PTPRK: variants seen among roughly 807,000 people sequenced by gnomAD.
PTPRK encodes the protein protein tyrosine phosphatase receptor type K.
Under a neutral mutation model 178.0 loss-of-function variants are expected in PTPRK, and 75 were observed. The ratio of observed to expected loss-of-function variants is 0.42; its 90% CI spans 0.35 to 0.51. PTPRK has a LOEUF of 0.51. Among genes scored for constraint, PTPRK ranks in the 20% least tolerant of loss-of-function variants. The pLI is 0.02. For synonymous variants in PTPRK, 637 were observed against 620.6 expected, an observed-to-expected ratio of 1.03 and a Z score of -0.39; for missense variants, 1,441 against 1,797.8, an observed-to-expected ratio of 0.80 and a Z score of 3.59.
intron 3 of PTPRK, among the ~76,000 whole-genome samples, chr6:128,312,861 G>T (rs543705150): frequency 8.6e-5 from 13 of 151,936 alleles, no homozygotes; most frequent in Admixed American, 5.9e-4. Flanking sequence ...GTTCACCAAA[G>T]TTCTGAGCAT....
chr6:128,493,829 A>G (rs754087409), intron 1 of PTPRK, among the ~76,000 whole-genome samples: 1 of 152,130 alleles, frequency 6.6e-6, no homozygotes. Context: ...CCCCTCATCT[A>G]TGATGCTTTA....
chr6:128,394,021 A>G (rs901420008), intron 2 of PTPRK, among the ~76,000 whole-genome samples: 10 of 152,144 alleles, frequency 6.6e-5, no homozygotes, highest in African/African-American at 1.2e-4. Flanking sequence ...AACCATCATT[A>G]CCCAAACCCT....
At chr6:128,038,891 T>C (rs763480567) in intron 13 of PTPRK, among the ~76,000 whole-genome samples, 1 of 152,174 alleles carries the variant, frequency 6.6e-6, no homozygotes, top group Non-Finnish European at 1.5e-5. Context: ...AACTGAATCA[T>C]GTTATGATGA....
chr6:128,445,232 A>T (rs921178910), intron 1 of PTPRK, among the ~76,000 whole-genome samples: 2 of 146,036 alleles, frequency 1.4e-5, no homozygotes, highest in African/African-American at 5.0e-5. Context: ...TTTATATATA[A>T]TAGTATAAAT....
At chr6:128,255,052 G>A (rs555160343) in intron 3 of PTPRK, among the ~76,000 whole-genome samples, 2 of 152,246 alleles carry the variant, frequency 1.3e-5, no homozygotes, top group Non-Finnish European at 2.9e-5. Flanking sequence ...GTACAGTGAC[G>A]CGATCTCAGC....
chr6:128,508,801 G>A (rs774565830), intron 1 of PTPRK, among the ~76,000 whole-genome samples: 6 of 151,996 alleles, frequency 3.9e-5, no homozygotes, highest in East Asian at 1.9e-4. Context: ...AAAAATAGCC[G>A]GGCATGGTGG....
At chr6:128,365,672 T>G (rs982123578) in intron 2 of PTPRK, among the ~76,000 whole-genome samples, 3 of 152,100 alleles carry the variant, frequency 2.0e-5, no homozygotes. Flanking sequence ...GTTACGTAAT[T>G]TGTTATCAAT....
intron 2 of PTPRK, among the ~76,000 whole-genome samples, chr6:128,323,705 T>C (rs1393163281): frequency 6.6e-6 from 1 of 152,118 alleles, no homozygotes; most frequent in Non-Finnish European, 1.5e-5. Flanking sequence ...GTTGAGAGCT[T>C]TTGGGAAGAT....
At chr6:128,186,100 G>C (rs1336403916) in intron 6 of PTPRK, among the ~76,000 whole-genome samples, 1 of 152,062 alleles carries the variant, frequency 6.6e-6, no homozygotes, top group Non-Finnish European at 1.5e-5. Context: ...AAATTCATAT[G>C]ATAAATATTA....
chr6:128,402,087 A>C (rs1470548594), intron 1 of PTPRK, among the ~76,000 whole-genome samples: 1 of 152,202 alleles, frequency 6.6e-6, no homozygotes, highest in Non-Finnish European at 1.5e-5. Context: ...TGTTGATATG[A>C]TCTACAAAAT....
At chr6:128,385,580 A>G (rs921740034) in intron 2 of PTPRK, among the ~76,000 whole-genome samples, 2 of 152,210 alleles carry the variant, frequency 1.3e-5, no homozygotes, top group Non-Finnish European at 2.9e-5. Flanking sequence ...CTTATTAAAT[A>G]GTAAGTCTTA....
intron 7 of PTPRK, among the ~76,000 whole-genome samples, chr6:128,090,809 G>C (rs1786788801): frequency 6.6e-6 from 1 of 152,092 alleles, no homozygotes; most frequent in East Asian, 1.9e-4. Flanking sequence ...GAAACTCATG[G>C]CCATGGCAAC....
chr6:128,327,054 G>A (rs1277192779), intron 2 of PTPRK, among the ~76,000 whole-genome samples: 1 of 151,454 alleles, frequency 6.6e-6, no homozygotes, highest in African/African-American at 2.4e-5. Context: ...TTAAAAAAGA[G>A]AAAGGCAGAG....
intron 13 of PTPRK, among the ~76,000 whole-genome samples, chr6:128,012,846 G>A (rs1034432646): frequency 6.6e-6 from 1 of 151,366 alleles, no homozygotes; most frequent in African/African-American, 2.4e-5. Context: ...AATGTATTAA[G>A]TAATCTTATG....
intron 7 of PTPRK, among the ~76,000 whole-genome samples, chr6:128,167,701 G>A (rs755261459): frequency 6.6e-6 from 1 of 151,938 alleles, no homozygotes; most frequent in African/African-American, 2.4e-5. Flanking sequence ...TACTCTAGTA[G>A]GGCAAGATTG....
intron 18 of PTPRK, among the ~76,000 whole-genome samples, chr6:127,994,295 A>G (rs1042852509): frequency 6.6e-6 from 1 of 151,742 alleles, no homozygotes. Flanking sequence ...AGAAGTATAC[A>G]TATGCTACCA....
chr6:128,174,511 G>A (rs1028795532), intron 7 of PTPRK, among the ~76,000 whole-genome samples: 1 of 151,812 alleles, frequency 6.6e-6, no homozygotes. Flanking sequence ...GGAGGTTTAA[G>A]TGCATGTTCC....
At chr6:128,029,595 C>T (rs796147769) in intron 13 of PTPRK, among the ~76,000 whole-genome samples, 1 of 150,346 alleles carries the variant, frequency 6.7e-6, no homozygotes, top group African/African-American at 2.4e-5. Flanking sequence ...GGTTGTAGTG[C>T]CAATGCACTC....
chr6:128,186,383 T>C (rs1409773937), intron 6 of PTPRK, among the ~76,000 whole-genome samples: 1 of 152,032 alleles, frequency 6.6e-6, no homozygotes, highest in Non-Finnish European at 1.5e-5. Context: ...GACCTTGGGA[T>C]TCACTGGGCT....
Sources: gnomAD v4.1 joint callset for allele counts (sites outside exome capture counted in the v4.1 genomes callset) on GRCh38, gnomAD v4.1.1 for gene constraint, MANE v1.5 for transcripts, NCBI Gene and HGNC (gene_info 2026-07-23, HGNC 2026-07-21) for gene names.